ATP8A1: variants seen among roughly 807,000 people sequenced by gnomAD.
ATP8A1 encodes the protein phospholipid-transporting ATPase IA.
In ATP8A1, 90 loss-of-function variants were observed where a neutral mutation model predicts 177.7. The ratio of observed to expected loss-of-function variants is 0.51; its 90% confidence interval spans 0.43 to 0.60. The LOEUF (loss-of-function observed/expected upper bound fraction) is 0.60. Ranked by LOEUF, ATP8A1 falls within the 20% of genes least tolerant of loss-of-function variation. The pLI, the probability that ATP8A1 is intolerant of heterozygous loss-of-function variation, is 0.00. For synonymous variants in ATP8A1, 493 were observed against 485.9 expected (o/e 1.01, Z -0.19); for missense variants, 1,072 against 1,392.8 (o/e 0.77, Z 3.67).
intron 22 of ATP8A1, among the ~76,000 whole-genome samples, chr4:42,509,302 T>C (rs573944914): frequency 9.8e-5 from 15 of 152,298 alleles, no homozygotes; most frequent in South Asian, 2.1e-4. Context: ...CTCGGCCAGA[T>C]AGTTTTACAT....
At chr4:42,482,314 AAAAC>A (rs1321309060) in intron 25 of ATP8A1, among the ~76,000 whole-genome samples, 9 of 126,570 alleles carry the variant, frequency 7.1e-5, no homozygotes, top group East Asian at 2.4e-4. Context: ...CAAAAACAAA[AAAAC>A]AAACAAACAA....
chr4:42,631,178 C>T (rs1738691407), intron 1 of ATP8A1, among the ~76,000 whole-genome samples: 1 of 152,138 alleles, frequency 6.6e-6, no homozygotes, highest in African/African-American at 2.4e-5. Context: ...TGACAATTCA[C>T]CTGCTTCCCT....
At chr4:42,544,037 G>GACAAACACATACATGCA in intron 19 of ATP8A1, 51 bp from the exon 20 acceptor site, 2 of 1,403,058 alleles carry the variant, frequency 1.4e-6, no homozygotes, top group Non-Finnish European at 2.0e-6. Flanking sequence ...GGATATGCAT[G>GACAAACACATACATGCA]TATGTGTTTG....
At chr4:42,581,520 G>C (rs1481483640) in intron 10 of ATP8A1, 101 bp downstream of exon 10, 1 of 840,236 alleles carries the variant, frequency 1.2e-6, no homozygotes, top group Non-Finnish European at 2.0e-6. Context: ...AGGAGTCTGT[G>C]ACAGATGGTC....
At chr4:42,471,956 A>G in intron 25 of ATP8A1, 1 of 688,952 alleles carries the variant, frequency 1.5e-6, no homozygotes. Flanking sequence ...ACAGCAGCCA[A>G]AGAGCCTAAG....
intron 27 of ATP8A1, among the ~76,000 whole-genome samples, chr4:42,461,639 G>C (rs976248516): frequency 1.3e-5 from 2 of 152,166 alleles, no homozygotes; most frequent in African/African-American, 4.8e-5. Flanking sequence ...TTCATCAGCA[G>C]CGTGAGAACA....
intron 16 of ATP8A1, 53 bp downstream of exon 16, chr4:42,555,915 C>A: frequency 1.7e-6 from 2 of 1,192,588 alleles, no homozygotes; most frequent in Non-Finnish European, 1.2e-6. Flanking sequence ...TTCAGAGAAA[C>A]ATTCATTAGT....
chr4:42,461,246 TTC>T (rs199670051), intron 27 of ATP8A1, among the ~76,000 whole-genome samples: 12,114 of 96,522 alleles, frequency 0.13, 904 homozygotes, highest in African/African-American at 0.25. Context: ...AATTTTTTCT[TTC>T]TTTTTTTTTT....
At chr4:42,591,007 A>C in intron 6 of ATP8A1, 123 bp from the exon 7 acceptor site, 1 of 847,492 alleles carries the variant, frequency 1.2e-6, no homozygotes, top group Non-Finnish European at 1.8e-6. Flanking sequence ...AATACATGTT[A>C]ATAAAAACAT....
chr4:42,608,035 G>T (rs1168575425), intron 5 of ATP8A1, among the ~76,000 whole-genome samples: 2 of 152,310 alleles, frequency 1.3e-5, no homozygotes, highest in East Asian at 1.9e-4. Flanking sequence ...GTCCTGCCAT[G>T]GGAGAGCTCA....
chr4:42,452,915 C>T (rs1718085457), intron 29 of ATP8A1, among the ~76,000 whole-genome samples: 1 of 152,180 alleles, frequency 6.6e-6, no homozygotes, highest in Non-Finnish European at 1.5e-5. Context: ...ATTAAGTTGC[C>T]TGCCTCCCAA....
intron 9 of ATP8A1, among the ~76,000 whole-genome samples, chr4:42,582,631 A>C (rs1366601508): frequency 1.3e-5 from 2 of 152,038 alleles, no homozygotes; most frequent in Non-Finnish European, 2.9e-5. Flanking sequence ...CCCTACAGAC[A>C]AGTCCCTGTA....
At chr4:42,444,973 A>G (rs1717056194) in intron 31 of ATP8A1, among the ~76,000 whole-genome samples, 1 of 152,216 alleles carries the variant, frequency 6.6e-6, no homozygotes, top group South Asian at 2.1e-4. Context: ...GGTTAATTTG[A>G]GTTTTCAAGC....
intron 6 of ATP8A1, among the ~76,000 whole-genome samples, chr4:42,597,179 G>A (rs1734802120): frequency 6.6e-6 from 1 of 152,134 alleles, no homozygotes; most frequent in African/African-American, 2.4e-5. Context: ...CATTTAGAAA[G>A]GCAGAGAAAG....
intron 8 of ATP8A1, 117 bp from the exon 9 acceptor site, chr4:42,586,593 A>T (rs1045047092): frequency 2.0e-6 from 2 of 1,002,972 alleles, no homozygotes; most frequent in African/African-American, 3.3e-5. Context: ...TATTTTTATA[A>T]GCAATTCTCC....
intron 33 of ATP8A1, among the ~76,000 whole-genome samples, chr4:42,435,454 AAAAAAAAAAC>A (rs1715853502): frequency 3.5e-5 from 3 of 86,800 alleles, no homozygotes; most frequent in African/African-American, 8.0e-5. Flanking sequence ...AAAAAACAAA[AAAAAAAAAAC>A]AAACTATCTC....
In ATP8A1 at chr4:42,543,891, T is replaced by C. The variant is rs1290498551; in HGVS notation, c.1722+26A>G. ...ATTATAAACCATCATAAATTATAAC[T>C]GTAAAAAATAAAAATAAAAACTTAC... is the stretch of plus-strand genomic sequence containing the variant. On this transcript the variant is annotated intron_variant, in intron 20 of 36. Transcript: ENST00000381668. 7 of 1,523,850 alleles carry C rather than the reference T, an allele frequency of 4.6e-6. No individual in the cohort carries two copies. In the East Asian group the frequency reaches 1.2e-4, roughly 25 times the overall value. The allele number at this position is 1,523,850 out of a possible 1,614,324, so 94.4% of individuals were successfully genotyped here.
intron 31 of ATP8A1, among the ~76,000 whole-genome samples, chr4:42,445,278 C>A (rs1717086004): frequency 6.6e-6 from 1 of 152,154 alleles, no homozygotes; most frequent in Admixed American, 6.5e-5. Flanking sequence ...GTCAGACTAC[C>A]TGTGCCCAAG....
intron 29 of ATP8A1, among the ~76,000 whole-genome samples, chr4:42,453,876 C>G (rs560042020): frequency 6.6e-6 from 1 of 152,236 alleles, no homozygotes; most frequent in African/African-American, 2.4e-5. Context: ...AGGCCATAGT[C>G]TGATTGTGGC....
Sources: allele counts gnomAD v4.1 joint callset (sites outside exome capture counted in the v4.1 genomes callset), GRCh38; gene constraint gnomAD v4.1.1; transcripts MANE v1.5; gene names NCBI Gene and HGNC (gene_info 2026-07-23, HGNC 2026-07-21).